Variants in CAV1 observed in about 807,000 individuals in gnomAD.
CAV1 encodes caveolin 1.
Under a neutral mutation model 16.5 loss-of-function variants are expected in CAV1, and 10 were observed. That is an observed-to-expected ratio of 0.61 (90% CI 0.37 to 1.03). The LOEUF (loss-of-function observed/expected upper bound fraction) is 1.03. Ranked by LOEUF, CAV1 falls within the 50% of genes least tolerant of loss-of-function variation. The probability of loss-of-function intolerance (pLI) is 0.01; values close to 1 mark genes in which losing one functional copy is unlikely to be tolerated. For missense variants in CAV1, 212 were observed against 232.8 expected (o/e 0.91, Z 0.58); for synonymous variants, 76 against 85.1 (o/e 0.89, Z 0.59).
chr7:116,546,719 G>T (rs1794059320), intron 2 of CAV1, among the ~76,000 whole-genome samples: 1 of 105,926 alleles, frequency 9.4e-6, no homozygotes, highest in Admixed American at 8.7e-5. Flanking sequence ...AAAAAAGTCT[G>T]CAGGCTGCAT....
chr7:116,536,768 C>A (rs1269334934), intron 2 of CAV1, among the ~76,000 whole-genome samples: 1 of 152,044 alleles, frequency 6.6e-6, no homozygotes, highest in Non-Finnish European at 1.5e-5. Flanking sequence ...CTTTGGGAGG[C>A]CGAGGCGGGT....
At chr7:116,545,893 G>A (rs1794035610) in intron 2 of CAV1, among the ~76,000 whole-genome samples, 1 of 152,212 alleles carries the variant, frequency 6.6e-6, no homozygotes, top group Non-Finnish European at 1.5e-5. Context: ...AGAATTTAGC[G>A]AAGAATCCAG....
chr7:116,552,339 T>G (rs923984445), intron 2 of CAV1, among the ~76,000 whole-genome samples: 3 of 152,228 alleles, frequency 2.0e-5, no homozygotes, highest in Non-Finnish European at 4.4e-5. Flanking sequence ...TAGTGTATTG[T>G]GGTAATAGAG....
intron 2 of CAV1, among the ~76,000 whole-genome samples, chr7:116,544,944 C>T (rs1189657617): frequency 1.3e-5 from 2 of 152,120 alleles, no homozygotes; most frequent in Admixed American, 1.3e-4. Context: ...GTCGTTTCCT[C>T]ATTTCACTTA....
chr7:116,527,236 C>A (rs1793583814), intron 2 of CAV1, among the ~76,000 whole-genome samples: 1 of 152,214 alleles, frequency 6.6e-6, no homozygotes, highest in African/African-American at 2.4e-5. Flanking sequence ...AAAGAAAATA[C>A]GTACTTATTC....
intron 2 of CAV1, among the ~76,000 whole-genome samples, chr7:116,534,389 A>ATTTTT (rs1309115810): frequency 2.2e-4 from 2 of 8,984 alleles, no homozygotes; most frequent in African/African-American, 6.0e-4. Context: ...ATATATATAT[A>ATTTTT]TATATATTTT....
intron 2 of CAV1, among the ~76,000 whole-genome samples, chr7:116,533,841 T>G (rs1793736167): frequency 6.6e-6 from 1 of 152,220 alleles, no homozygotes; most frequent in Non-Finnish European, 1.5e-5. Context: ...AATATATATT[T>G]TTAGGCAATT....
intron 2 of CAV1, among the ~76,000 whole-genome samples, chr7:116,546,611 C>A (rs1794052341): frequency 6.7e-6 from 1 of 149,674 alleles, no homozygotes; most frequent in African/African-American, 2.5e-5. Flanking sequence ...GCAGGAGAAT[C>A]GCTTGAACCT....
chr7:116,546,740 G>A (rs1794059951), intron 2 of CAV1, among the ~76,000 whole-genome samples: 1 of 146,500 alleles, frequency 6.8e-6, no homozygotes, highest in South Asian at 2.2e-4. Context: ...AAAGAGGTAT[G>A]AAAATGTTCC....
intron 2 of CAV1, among the ~76,000 whole-genome samples, chr7:116,556,507 A>T (rs1413420004): frequency 1.3e-5 from 2 of 152,186 alleles, no homozygotes; most frequent in Admixed American, 6.5e-5. Flanking sequence ...TTTTACCTGG[A>T]CAACTCATTA....
chr7:116,555,544 GAAAGAAAGAA>G (rs1167053405), intron 2 of CAV1, among the ~76,000 whole-genome samples: 38 of 20,998 alleles, frequency 1.8e-3, no homozygotes, highest in African/African-American at 2.3e-3. Context: ...GAGAGAGAGA[GAAAGAAAGAA>G]AGAAAGAAAG....
chr7:116,555,602 A>AAGAGAGAGAGAGAG lies in CAV1; in HGVS notation c.196-3339_196-3338insGAGAGAGAGAGAGA, dbSNP rs780499290. 3.4e-3 allele frequency among the ~76,000 whole-genome samples: 287 copies of AAGAGAGAGAGAGAG among 83,752 alleles called. 16 individuals carry two copies. The highest frequency in any genetic ancestry group is 0.02 in the East Asian group (58 of 2,974). The allele number at this position is 83,752 out of a possible 152,430, so 54.9% of individuals were successfully genotyped here. ...AAAGAAAGAAAGAAAGAAAGAAAGAAAGAGAAAGAAAGAAAGAAGGGAGGG... is the reference window on the plus strand; with the variant it reads ...AAAGAAAGAAAGAAAGAAAGAAAGAAAGAGAGAGAGAGAGAGAGAAAGAAAGAAAGAAGGGAGGG... On this transcript the variant is annotated intron_variant, in intron 2 of 2. Transcript: ENST00000341049.
At chr7:116,526,369 G>A in intron 1 of CAV1, 156 bp from the exon 2 acceptor site, 1 of 1,511,662 alleles carries the variant, frequency 6.6e-7, no homozygotes, top group East Asian at 2.5e-5. Context: ...TCTGTGCACG[G>A]AGCCGTAGCT....
At chr7:116,534,395 A>ATATATATTTTTTT (rs1442237865) in intron 2 of CAV1, among the ~76,000 whole-genome samples, 1 of 7,838 alleles carries the variant, frequency 1.3e-4, no homozygotes, top group Non-Finnish European at 2.6e-4. Flanking sequence ...ATATATATAT[A>ATATATATTTTTTT]TTTTTTTTTT....
At chr7:116,541,873 C>T (rs925206467) in intron 2 of CAV1, among the ~76,000 whole-genome samples, 1 of 152,014 alleles carries the variant, frequency 6.6e-6, no homozygotes, top group Admixed American at 6.6e-5. Context: ...TGTTAAATTC[C>T]TTATTTGTCT....
chr7:116,559,512 C>A lies in CAV1; in HGVS notation c.*225C>A, dbSNP rs1477274522. 2 of 600,820 alleles carry A rather than the reference C, an allele frequency of 3.3e-6. No homozygotes were observed. The highest frequency in any genetic ancestry group is 3.7e-5 in the African/African-American group (2 of 53,644). The allele number at this position is 600,820 out of a possible 1,614,324, so 37.2% of individuals were successfully genotyped here. ...TTTTAAAACCCATTTAAATTTTTTT[C>A]CTTACCTTTTTATTTGCATGTGGAT... On this transcript the variant is annotated 3_prime_UTR_variant, in exon 3 of 3. Transcript: ENST00000341049.
chr7:116,548,012 T>C (rs1794088399), intron 2 of CAV1, among the ~76,000 whole-genome samples: 1 of 152,108 alleles, frequency 6.6e-6, no homozygotes, highest in Admixed American at 6.5e-5. Flanking sequence ...AACACAGTAA[T>C]CGATTATCAC....
intron 2 of CAV1, among the ~76,000 whole-genome samples, chr7:116,546,983 G>C (rs563878696): frequency 6.6e-6 from 1 of 152,270 alleles, no homozygotes; most frequent in East Asian, 1.9e-4. Flanking sequence ...GTTTCTGGTG[G>C]TTTGCTGGCA....
chr7:116,528,487 A>C lies in CAV1; in HGVS notation c.195+1798A>C, dbSNP rs188130540. Among the ~76,000 whole-genome samples the C allele has an allele frequency of 1.4e-3, 208 of 152,318 alleles. 1 individual carries two copies. The highest frequency in any genetic ancestry group is 4.4e-3 in the Admixed American group (68 of 15,306). On this transcript the variant is annotated intron_variant, in intron 2 of 2. Coordinates refer to ENST00000341049, the MANE Select transcript of CAV1 (RefSeq NM_001753.5). ...CAAACCCTGACTACTTGCTCATAGA[A>C]CTGTGAGCAAAACAAGACAGTCAAA...
Sources: gnomAD v4.1 joint callset for allele counts (sites outside exome capture counted in the v4.1 genomes callset) on GRCh38, gnomAD v4.1.1 for gene constraint, MANE v1.5 for transcripts, NCBI Gene and HGNC (gene_info 2026-07-23, HGNC 2026-07-21) for gene names.